The following RNF2 variants were observed in gnomAD, a reference collection of about 807,000 sequenced individuals.
RNF2 encodes the protein E3 ubiquitin-protein ligase RING2.
In RNF2, 6 loss-of-function variants were observed where a neutral mutation model predicts 37.2. That is an observed-to-expected ratio of 0.16 (90% CI 0.09 to 0.32). The LOEUF is 0.32. RNF2 is among the 10% of genes least tolerant of loss of function. RNF2 has a pLI of 1.00. For synonymous variants in RNF2, 133 were observed against 132.7 expected (o/e 1.00, Z -0.02); for missense variants, 251 against 404.0 (o/e 0.62, Z 3.25).
chr1:185,073,619 A>G (rs1651051996), intron 1 of RNF2, among the ~76,000 whole-genome samples: 2 of 152,220 alleles, frequency 1.3e-5, no homozygotes, highest in South Asian at 4.1e-4. Flanking sequence ...GTACCTGTGT[A>G]TGTTAAAATG....
chr1:185,100,149 T>C, intron 6 of RNF2, 51 bp from the exon 7 acceptor site: 1 of 1,407,932 alleles, frequency 7.1e-7, no homozygotes, highest in Non-Finnish European at 9.8e-7. Context: ...CATTTCATTA[T>C]TATTGTGGTT....
chr1:185,053,166 A>T (rs1650318347), intron 1 of RNF2, among the ~76,000 whole-genome samples: 1 of 152,002 alleles, frequency 6.6e-6, no homozygotes, highest in Non-Finnish European at 1.5e-5. Flanking sequence ...GTTTTATCTC[A>T]TTTAATCCTT....
intron 1 of RNF2, among the ~76,000 whole-genome samples, chr1:185,062,002 T>G (rs1239888618): frequency 2.6e-5 from 4 of 152,200 alleles, no homozygotes; most frequent in Non-Finnish European, 4.4e-5. Context: ...AATAGAAAAT[T>G]TGTGCTTACT....
intron 1 of RNF2, among the ~76,000 whole-genome samples, chr1:185,080,982 C>T (rs1651328779): frequency 1.3e-5 from 2 of 152,132 alleles, no homozygotes; most frequent in Non-Finnish European, 2.9e-5. Flanking sequence ...GAAATCCCTC[C>T]AATGGATTTT....
Position 185,072,712 on chromosome 1 carries a change from G to A in RNF2, c.-2-14840G>A, listed in dbSNP as rs540862133. ...TCCCAGCACTTTGGGAGGCTGAGGC[G>A]GGCGGATCATGAGGTCAGGAGATCG... On this transcript the variant is annotated intron_variant, in intron 1 of 6. Coordinates refer to ENST00000367510, the MANE Select transcript of RNF2 (RefSeq NM_007212.4). Among the ~76,000 whole-genome samples the A allele has an allele frequency of 8.5e-5, 13 of 152,140 alleles. No individual in the cohort carries two copies. In the East Asian group the frequency reaches 9.7e-4, roughly 11 times the overall value.
Position 185,050,857 on chromosome 1 carries a change from C to A in RNF2, c.-3+5208C>A, listed in dbSNP as rs927438953. 2.6e-5 allele frequency among the ~76,000 whole-genome samples: 4 copies of A among 152,208 alleles called. No individual in the cohort carries two copies. In the East Asian group the frequency reaches 7.7e-4, roughly 29 times the overall value. ...GGCTAAATAAAATTCTCTCCTACTTCTTAGTATTTTATAAACTGATGTTCT... is the reference window on the plus strand; with the variant it reads ...GGCTAAATAAAATTCTCTCCTACTTATTAGTATTTTATAAACTGATGTTCT... On this transcript the variant is annotated intron_variant, in intron 1 of 6. Coordinates refer to ENST00000367510, the MANE Select transcript of RNF2 (RefSeq NM_007212.4).
At chr1:185,091,818 C>CTTTT in intron 3 of RNF2, 79 bp downstream of exon 3, 8 of 1,056,594 alleles carry the variant, frequency 7.6e-6, no homozygotes, top group African/African-American at 1.7e-5. Flanking sequence ...AATACATTTT[C>CTTTT]TTTTTTTTTT....
At chr1:185,088,053 C>G (rs970013209) in intron 2 of RNF2, among the ~76,000 whole-genome samples, 14 of 152,318 alleles carry the variant, frequency 9.2e-5, no homozygotes, top group African/African-American at 3.4e-4. Context: ...AACAAACATG[C>G]TTAACACTGG....
At chr1:185,079,930 G>GAA (rs372875470) in intron 1 of RNF2, among the ~76,000 whole-genome samples, 1 of 142,096 alleles carries the variant, frequency 7.0e-6, no homozygotes. Flanking sequence ...GACTGTCTCA[G>GAA]AAAAAAAAAA....
chr1:185,067,526 G>A (rs1650832120), intron 1 of RNF2, among the ~76,000 whole-genome samples: 1 of 152,076 alleles, frequency 6.6e-6, no homozygotes, highest in African/African-American at 2.4e-5. Flanking sequence ...TTAATTTGAT[G>A]TGACCTTTAT....
intron 1 of RNF2, among the ~76,000 whole-genome samples, chr1:185,048,406 A>G (rs1413235768): frequency 6.6e-6 from 1 of 152,212 alleles, no homozygotes; most frequent in East Asian, 1.9e-4. Flanking sequence ...AGCTATATAC[A>G]TTACTAAAAA....
intron 1 of RNF2, among the ~76,000 whole-genome samples, chr1:185,047,435 A>T (rs1650151516): frequency 6.6e-6 from 1 of 152,248 alleles, no homozygotes; most frequent in African/African-American, 2.4e-5. Flanking sequence ...CAGGTCAGCA[A>T]ACATGTTTGG....
At chr1:185,076,285 TTTTTTTTTTTTTTTTTTTTTTTTG>T in intron 1 of RNF2, among the ~76,000 whole-genome samples, 1 of 59,646 alleles carries the variant, frequency 1.7e-5, no homozygotes, top group Non-Finnish European at 3.3e-5. Context: ...TTTTTTTTTT[TTTTTTTTTTTTTTTTTTTTTTTTG>T]AGACAGAGTC....
intron 1 of RNF2, among the ~76,000 whole-genome samples, chr1:185,055,031 G>GT (rs1279234244): frequency 6.6e-6 from 1 of 152,148 alleles, no homozygotes; most frequent in African/African-American, 2.4e-5. Flanking sequence ...TGTGTTGATT[G>GT]TATCTTGAGA....
At chr1:185,099,199 C>G (rs998799819) in intron 5 of RNF2, among the ~76,000 whole-genome samples, 8 of 151,758 alleles carry the variant, frequency 5.3e-5, no homozygotes, top group African/African-American at 1.9e-4. Flanking sequence ...TTACACTCAC[C>G]ACAACACCTG....
intron 1 of RNF2, among the ~76,000 whole-genome samples, chr1:185,065,170 C>T (rs1413678455): frequency 1.3e-5 from 2 of 152,040 alleles, no homozygotes; most frequent in African/African-American, 4.8e-5. Flanking sequence ...CCAATCAGCC[C>T]TCTGTGTCTA....
intron 4 of RNF2, among the ~76,000 whole-genome samples, chr1:185,096,512 C>T (rs1174715074): frequency 6.6e-6 from 1 of 151,904 alleles, no homozygotes; most frequent in Non-Finnish European, 1.5e-5. Context: ...AATTTGACTT[C>T]TTTAGATACC....
chr1:185,087,598 A>C lies in RNF2; in HGVS notation c.45A>C (p.Lys15Asn). Residue 15 changes from lysine to asparagine, a missense_variant, in exon 2 of 7, where the codon AAA becomes AAC. Coordinates refer to ENST00000367510, the MANE Select transcript of RNF2 (RefSeq NM_007212.4). ...CAAACGGAACTCAACCATTAAGCAA[A>C]ACATGGGAACTCAGTTTATATGAGT... is the stretch of plus-strand genomic sequence containing the variant. Reference protein sequence around the residue: ...VQTNGTQPLSKTWELSLYELQ... With the variant: ...VQTNGTQPLSNTWELSLYELQ... 6.2e-7 allele frequency: 1 copy of C among 1,614,180 alleles called. No homozygotes were observed. Among genetic ancestry groups the C allele is most frequent in the Non-Finnish European group, 8.5e-7 (1 of 1,180,008 alleles).
intron 2 of RNF2, among the ~76,000 whole-genome samples, chr1:185,091,204 A>G (rs933474355): frequency 1.4e-4 from 22 of 152,196 alleles, no homozygotes; most frequent in African/African-American, 5.3e-4. Context: ...TTTTGCAGGT[A>G]AGAAGACAAT....
Sources: allele counts gnomAD v4.1 joint callset (sites outside exome capture counted in the v4.1 genomes callset), GRCh38; gene constraint gnomAD v4.1.1; transcripts MANE v1.5; gene names NCBI Gene and HGNC (gene_info 2026-07-23, HGNC 2026-07-21).